AKAP13: variants seen among roughly 807,000 people sequenced by gnomAD.
The protein encoded by AKAP13 is A-kinase anchoring protein 13.
Under a neutral mutation model 264.5 loss-of-function variants are expected in AKAP13, and 80 were observed. The observed-to-expected ratio is 0.30, with a 90% CI of 0.25 to 0.36. The LOEUF is 0.36. Among genes scored for constraint, AKAP13 ranks in the 10% least tolerant of loss-of-function variants. The pLI, the probability that AKAP13 is intolerant of heterozygous loss-of-function variation, is 1.00. For synonymous variants in AKAP13, 1,380 were observed against 1,250.2 expected, an observed-to-expected ratio of 1.10 and a Z score of -2.19; for missense variants, 3,712 against 3,435.2, an observed-to-expected ratio of 1.08 and a Z score of -2.01.
intron 8 of AKAP13, among the ~76,000 whole-genome samples, chr15:85,601,779 A>G (rs1411864353): frequency 6.6e-6 from 1 of 152,056 alleles, no homozygotes; most frequent in African/African-American, 2.4e-5. Context: ...ATATCTAGAA[A>G]TGTTTACTGT....
At chr15:85,456,593 G>A (rs767395476) in intron 1 of AKAP13, among the ~76,000 whole-genome samples, 4 of 145,798 alleles carry the variant, frequency 2.7e-5, no homozygotes, top group Admixed American at 6.9e-5. Flanking sequence ...TCTGTCGCCC[G>A]GGCTGGAGTG....
rs574925090 is a variant in AKAP13 at position 85,637,496 on chromosome 15, C to T, written c.4162-1878C>T. Among the ~76,000 whole-genome samples the T allele has an allele frequency of 5.9e-5, 9 of 152,210 alleles. No homozygotes were observed. The East Asian group carries it at 1.5e-3, about 26-fold the overall frequency. ...CTGTAATGGTGTCACTCTGTAATTC[C>T]TGATTCCTGTCATTTGTCGCTTTTC... On this transcript the variant is annotated intron_variant, in intron 8 of 36. Coordinates refer to ENST00000394518, the MANE Select transcript of AKAP13 (RefSeq NM_007200.5).
At chr15:85,661,531 C>A (rs11629510) in intron 12 of AKAP13, among the ~76,000 whole-genome samples, 1 of 151,812 alleles carries the variant, frequency 6.6e-6, no homozygotes, top group Non-Finnish European at 1.5e-5. Context: ...CCAGCCTGAC[C>A]AACATGGTGA....
At chr15:85,578,636 G>A (rs529248801) in intron 6 of AKAP13, among the ~76,000 whole-genome samples, 7 of 152,180 alleles carry the variant, frequency 4.6e-5, no homozygotes, top group African/African-American at 1.7e-4. Flanking sequence ...GAGCCACCAT[G>A]CCCGGCGAGA....
intron 2 of AKAP13, among the ~76,000 whole-genome samples, chr15:85,495,412 T>G (rs1300019569): frequency 2.0e-5 from 3 of 152,162 alleles, no homozygotes; most frequent in Admixed American, 6.5e-5. Context: ...ATTCACTAAC[T>G]AAAACGACTA....
intron 1 of AKAP13, among the ~76,000 whole-genome samples, chr15:85,463,684 G>C (rs557795963): frequency 1.3e-5 from 2 of 152,226 alleles, no homozygotes; most frequent in South Asian, 4.1e-4. Context: ...TTCTGAGAAA[G>C]GGCAAAAAGG....
intron 35 of AKAP13, among the ~76,000 whole-genome samples, chr15:85,741,927 C>G (rs1290150470): frequency 2.0e-5 from 3 of 152,064 alleles, no homozygotes; most frequent in Admixed American, 2.0e-4. Context: ...CGCCTATAAT[C>G]CCAGCTGCTT....
At chr15:85,473,772 CCT>C (rs2075051484) in intron 1 of AKAP13, among the ~76,000 whole-genome samples, 3 of 152,316 alleles carry the variant, frequency 2.0e-5, no homozygotes, top group African/African-American at 7.2e-5. Context: ...GGGCCTCCCT[CCT>C]CTGTAGAAAA....
chr15:85,555,428 T>C, intron 5 of AKAP13: 2 of 1,288,978 alleles, frequency 1.6e-6, no homozygotes, highest in Non-Finnish European at 2.0e-6. Flanking sequence ...TTTAAAGCTG[T>C]AGTATGAAGC....
rs1306131635 is a variant in AKAP13 at position 85,380,913 on chromosome 15, G to T, written c.-12+115G>T. On this transcript the variant is annotated intron_variant, in intron 1 of 36. Coordinates refer to ENST00000394518, the MANE Select transcript of AKAP13 (RefSeq NM_007200.5). ...CGGTGGGGCGGGCCCCGGAGGAGGGGCGGGGGCTGCGGGGGTTTCGGGGGC... is the reference window on the plus strand; with the variant it reads ...CGGTGGGGCGGGCCCCGGAGGAGGGTCGGGGGCTGCGGGGGTTTCGGGGGC... The T allele has an allele frequency of 8.5e-5, 13 of 152,096 alleles. 1 individual carries two copies. Among genetic ancestry groups the T allele is most frequent in the Admixed American group, 7.9e-4 (12 of 15,276 alleles). The allele number at this position is 152,096 out of a possible 1,614,324, so 9.4% of individuals were successfully genotyped here. A position where few individuals can be genotyped will look rare whatever the true frequency, so the allele number is the denominator to read the frequency against.
chr15:85,720,409 T>C (rs758883128), intron 23 of AKAP13, among the ~76,000 whole-genome samples: 1 of 152,202 alleles, frequency 6.6e-6, no homozygotes, highest in Non-Finnish European at 1.5e-5. Context: ...ATAAAATATG[T>C]ATTGTTGATA....
intron 1 of AKAP13, among the ~76,000 whole-genome samples, chr15:85,438,523 C>A (rs2073443289): frequency 6.8e-6 from 1 of 147,404 alleles, no homozygotes; most frequent in Non-Finnish European, 1.5e-5. Flanking sequence ...AATCCTAAGC[C>A]AAAAGAACAA....
chr15:85,640,364 T>C (rs1282520602), intron 9 of AKAP13, among the ~76,000 whole-genome samples: 5 of 152,202 alleles, frequency 3.3e-5, no homozygotes, highest in Non-Finnish European at 7.3e-5. Flanking sequence ...TTACCTAGTC[T>C]TCATTTGCAG....
intron 8 of AKAP13, among the ~76,000 whole-genome samples, chr15:85,605,136 C>T (rs2080263991): frequency 6.6e-6 from 1 of 152,152 alleles, no homozygotes; most frequent in African/African-American, 2.4e-5. Context: ...GGCTTCTGAG[C>T]CATTAAACAC....
chr15:85,616,259 G>A (rs773277467), intron 8 of AKAP13, among the ~76,000 whole-genome samples: 1 of 152,164 alleles, frequency 6.6e-6, no homozygotes, highest in Non-Finnish European at 1.5e-5. Flanking sequence ...TGCCCTAACT[G>A]GAACTAAAGC....
At chr15:85,587,649 T>A (rs1043120358) in intron 8 of AKAP13, among the ~76,000 whole-genome samples, 1 of 152,166 alleles carries the variant, frequency 6.6e-6, no homozygotes, top group African/African-American at 2.4e-5. Flanking sequence ...TTTATTTTAT[T>A]TTATTTTTTA....
intron 9 of AKAP13, among the ~76,000 whole-genome samples, chr15:85,644,712 A>G (rs985431996): frequency 6.7e-6 from 1 of 149,978 alleles, no homozygotes; most frequent in Non-Finnish European, 1.5e-5. Context: ...AAAAAAAAAA[A>G]AAAATTAGCC....
In AKAP13 at chr15:85,472,046, C is replaced by T. The variant is rs181092679; in HGVS notation, c.-11-13664C>T. On this transcript the variant is annotated intron_variant, in intron 1 of 36. Coordinates refer to ENST00000394518, the MANE Select transcript of AKAP13 (RefSeq NM_007200.5). ...AGCAAGTTTTTCGGTCTTCAGTATA[C>T]AGGCCTTACACATTTCATTAAATTT... Among the ~76,000 whole-genome samples the T allele has an allele frequency of 4.2e-3, 641 of 152,178 alleles. 4 individuals carry two copies. The highest frequency in any genetic ancestry group is 6.8e-3 in the Non-Finnish European group (464 of 68,008).
intron 8 of AKAP13, among the ~76,000 whole-genome samples, chr15:85,616,861 C>T (rs1177104812): frequency 6.6e-6 from 1 of 152,238 alleles, no homozygotes; most frequent in East Asian, 1.9e-4. Flanking sequence ...GCAACACAGA[C>T]TCTTTTTTCC....
Sources: allele counts gnomAD v4.1 joint callset (sites outside exome capture counted in the v4.1 genomes callset), GRCh38; gene constraint gnomAD v4.1.1; transcripts MANE v1.5; gene names NCBI Gene and HGNC (gene_info 2026-07-23, HGNC 2026-07-21).